Variants in CCDC77 observed in about 807,000 individuals in gnomAD.
CCDC77 encodes the protein coiled-coil domain containing 77.
In CCDC77, 56 loss-of-function variants were observed where a neutral mutation model predicts 66.8. That is an observed-to-expected ratio of 0.84 (90% CI 0.68 to 1.05). The LOEUF is 1.05. CCDC77 is among the 50% of genes least tolerant of loss of function. The probability of loss-of-function intolerance (pLI) is 0.00; values close to 1 mark genes in which losing one functional copy is unlikely to be tolerated. For synonymous variants in CCDC77, 196 were observed against 195.2 expected (o/e 1.00, Z -0.03); for missense variants, 570 against 576.8 (o/e 0.99, Z 0.12).
intron 5 of CCDC77, among the ~76,000 whole-genome samples, 153 bp from the exon 6 acceptor site, chr12:428,616 A>G (rs1210722426): frequency 6.6e-6 from 1 of 151,756 alleles, no homozygotes; most frequent in Non-Finnish European, 1.5e-5. Flanking sequence ...TGAAGTCTAG[A>G]TACAAACTAT....
At chr12:399,112 G>T (rs185731192), upstream of CCDC77, among the ~76,000 whole-genome samples, 4 of 152,074 alleles carry the variant, frequency 2.6e-5, no homozygotes, top group East Asian at 7.7e-4. Flanking sequence ...GAAGGTTTTC[G>T]ATTTACTTTG....
chr12:431,719 T>G, intron 7 of CCDC77, 147 bp from the exon 8 acceptor site: 1 of 566,568 alleles, frequency 1.8e-6, no homozygotes, highest in South Asian at 2.4e-5. Flanking sequence ...TCCCTTTGTC[T>G]TCCGAATCCC....
chr12:412,557 G>A (rs556007451), intron 4 of CCDC77, among the ~76,000 whole-genome samples: 1 of 152,274 alleles, frequency 6.6e-6, no homozygotes, highest in South Asian at 2.1e-4. Context: ...CAGGATCCCT[G>A]GCCTCTACCC....
At chr12:428,561 C>G (rs551713969) in intron 5 of CCDC77, among the ~76,000 whole-genome samples, 16 of 150,382 alleles carry the variant, frequency 1.1e-4, no homozygotes, top group African/African-American at 3.9e-4. Context: ...GTGCCCTGGC[C>G]CCTTTTCTCT....
chr12:436,833 A>G (rs1192133787), intron 9 of CCDC77: 3 of 781,554 alleles, frequency 3.8e-6, no homozygotes. Flanking sequence ...CCCTTTGGGT[A>G]TCACTTTCAA....
chr12:391,381 G>A (rs1944752434), intron 1 of CCDC77, among the ~76,000 whole-genome samples: 1 of 152,080 alleles, frequency 6.6e-6, no homozygotes, highest in South Asian at 2.1e-4. Flanking sequence ...CTTGAACCCA[G>A]GAGGTGGAAG....
At position 428,854 on chromosome 12, in the gene CCDC77, C is replaced by G. The variant is rs372464070; in HGVS notation, c.499C>G (p.Pro167Ala). Reference protein sequence around the residue: ...AGEVTYFCKEPPHKVTILQKT... With the variant: ...AGEVTYFCKEAPHKVTILQKT... Reference sequence around the variant, plus strand: ...AGAAGTGACCTATTTTTGTAAGGAGCCTCCTCACAAAGTAAGTAATCTTTG... The same window carrying G: ...AGAAGTGACCTATTTTTGTAAGGAGGCTCCTCACAAAGTAAGTAATCTTTG... The change falls in exon 6 of 13, where the codon CCT (proline) becomes GCT (alanine). Residue 167 changes from proline (P) to alanine (A), a missense_variant. Coordinates refer to ENST00000239830, the MANE Select transcript of CCDC77 (RefSeq NM_032358.4). 3 of 1,603,248 alleles carry G rather than the reference C, an allele frequency of 1.9e-6. No individual in the cohort carries two copies. The highest frequency in any genetic ancestry group is 2.6e-6 in the Non-Finnish European group (3 of 1,171,286).
chr12:415,550 A>C (rs1466950236), intron 4 of CCDC77, among the ~76,000 whole-genome samples: 3 of 149,634 alleles, frequency 2.0e-5, no homozygotes, highest in Non-Finnish European at 4.4e-5. Flanking sequence ...TAATATGTTG[A>C]TATTATTAAC....
rs370768978 is a variant in CCDC77, at chr12:411,767, G to A, written c.59G>A (p.Arg20His). The stretch of plus-strand genomic sequence containing the variant: ...CGTAGGCGAACAGTTGTCTCCAAAC[G>A]TGGTGTTGCCGTCAGTGGTCCCACC... ...VCRKRTVVSK[R>H]GVAVSGPTKR... Residue 20 changes from arginine to histidine, a missense_variant, in exon 4 of 13, where the codon CGT (arginine) becomes CAT (histidine). Transcript: ENST00000239830. 5.7e-5 allele frequency: 92 copies of A among 1,613,464 alleles called. No individual in the cohort carries two copies. The highest frequency in any genetic ancestry group is 7.5e-5 in the Non-Finnish European group (89 of 1,179,774).
Position 430,716 on chromosome 12 carries a change from A to T in CCDC77, c.563A>T (p.Glu188Val). ...IQAVGECEQS[E>V]SSAFKADPKI... is the part of the protein sequence containing the mutation. ...GCTGTAGGTGAATGTGAGCAGAGTG[A>T]ATCTTCAGCTTTCAAAGCAGGTAAC... Residue 188 changes from glutamate (E) to valine (V), a missense_variant, in exon 7 of 13, where the codon GAA becomes GTA. Coordinates refer to ENST00000239830, the MANE Select transcript of CCDC77 (RefSeq NM_032358.4). The T allele has an allele frequency of 6.2e-7, 1 of 1,613,498 alleles. No individual in the cohort carries two copies. The highest frequency in any genetic ancestry group is 8.5e-7 in the Non-Finnish European group (1 of 1,179,408).
At position 440,947 on chromosome 12, in the gene CCDC77, T is replaced by G; in HGVS notation, c.1271T>G (p.Ile424Ser). The G allele has an allele frequency of 6.2e-7, 1 of 1,613,396 alleles. No homozygotes were observed. The highest frequency in any genetic ancestry group is 1.6e-4 in the Middle Eastern group (1 of 6,062). Residue 424 changes from isoleucine to serine, a missense_variant, in exon 12 of 13, where the codon ATT becomes AGT. Physicochemically the swap from Ile to Ser is moderately radical, Grantham distance 142. Transcript: ENST00000239830. The part of the protein sequence containing the change: ...ILEVEGFKTD[I>S]KVLRQKLKDL... ...GAAGTAGAAGGCTTTAAGACAGATATTAAAGTTCTCCGACAGAAACTGAAA... is the reference window on the plus strand; with the variant it reads ...GAAGTAGAAGGCTTTAAGACAGATAGTAAAGTTCTCCGACAGAAACTGAAA...
chr12:419,047 G>C (rs781445291), intron 5 of CCDC77, among the ~76,000 whole-genome samples: 1 of 152,102 alleles, frequency 6.6e-6, no homozygotes, highest in African/African-American at 2.4e-5. Context: ...AATTCTCTTA[G>C]GTTGTATTCT....
chr12:424,366 C>A (rs1318950498), intron 5 of CCDC77, among the ~76,000 whole-genome samples: 1 of 151,338 alleles, frequency 6.6e-6, no homozygotes, highest in Admixed American at 6.6e-5. Context: ...TTTTTATTTT[C>A]TCCTCTTTTT....
chr12:398,193 A>G (rs187338122), upstream of CCDC77, among the ~76,000 whole-genome samples: 1 of 152,252 alleles, frequency 6.6e-6, no homozygotes, highest in Admixed American at 6.5e-5. Flanking sequence ...ATGCTGTTTG[A>G]TAGCATTTTA....
chr12:390,225 A>C (rs1338717512), intron 1 of CCDC77: 1 of 152,036 alleles, frequency 6.6e-6, no homozygotes, highest in African/African-American at 2.4e-5. Flanking sequence ...CCAGTATCCT[A>C]ATTTAAATAC....
intron 5 of CCDC77, among the ~76,000 whole-genome samples, chr12:427,944 A>G (rs1308391618): frequency 6.6e-6 from 1 of 152,178 alleles, no homozygotes; most frequent in Non-Finnish European, 1.5e-5. Context: ...CCAACACGAT[A>G]GGGATCTCTG....
intron 4 of CCDC77, among the ~76,000 whole-genome samples, chr12:414,829 C>T (rs1945190882): frequency 6.6e-6 from 1 of 152,168 alleles, no homozygotes; most frequent in Non-Finnish European, 1.5e-5. Flanking sequence ...GGCCACGATG[C>T]TCACACAGAC....
At chr12:428,452 A>G (rs1040628900) in intron 5 of CCDC77, among the ~76,000 whole-genome samples, 3 of 142,870 alleles carry the variant, frequency 2.1e-5, no homozygotes, top group African/African-American at 7.9e-5. Context: ...CGGAGGTTGC[A>G]GTGAGCCAAG....
intron 1 of CCDC77, among the ~76,000 whole-genome samples, chr12:389,682 C>T (rs750627418): frequency 2.8e-5 from 4 of 144,462 alleles, no homozygotes; most frequent in Non-Finnish European, 3.1e-5. Context: ...GTCCCTTTCC[C>T]TTTTGTGTAT....
Sources: gnomAD v4.1 joint callset for allele counts (sites outside exome capture counted in the v4.1 genomes callset) on GRCh38, gnomAD v4.1.1 for gene constraint, MANE v1.5 for transcripts, NCBI Gene and HGNC (gene_info 2026-07-23, HGNC 2026-07-21) for gene names.